The following ANKMY1 variants were observed in gnomAD, a reference collection of about 807,000 sequenced individuals.
The protein encoded by ANKMY1 is ankyrin repeat and MYND domain-containing protein 1.
In ANKMY1, 98 loss-of-function variants were observed where a neutral mutation model predicts 102.0. That is an observed-to-expected ratio of 0.96 (90% confidence interval 0.82 to 1.14). The LOEUF is 1.14. Ranked by LOEUF, ANKMY1 falls within the 50% of genes most tolerant of loss-of-function variation. The pLI is 0.00. For synonymous variants in ANKMY1, 582 were observed against 559.9 expected (o/e 1.04, Z -0.56); for missense variants, 1,330 against 1,347.6 (o/e 0.99, Z 0.20).
At chr2:240,530,184 C>T (rs111883294) in intron 4 of ANKMY1, among the ~76,000 whole-genome samples, 12,559 of 152,242 alleles carry the variant, frequency 0.082, 688 homozygotes, top group Non-Finnish European at 0.12. Context: ...AACCAGTGAG[C>T]GGCCACTGCC....
chr2:240,507,539 C>G, intron 13 of ANKMY1, 21 bp downstream of exon 13: 1 of 1,594,242 alleles, frequency 6.3e-7, no homozygotes, highest in Non-Finnish European at 8.5e-7. Flanking sequence ...ACCAGGGCCA[C>G]CCCAGCCTCC....
At chr2:240,495,413 T>C (rs553157868) in intron 15 of ANKMY1, among the ~76,000 whole-genome samples, 2 of 152,306 alleles carry the variant, frequency 1.3e-5, no homozygotes, top group Admixed American at 1.3e-4. Flanking sequence ...CACTTTCATG[T>C]TCCACCCTGT....
At chr2:240,510,666 C>T (rs1399905680) in intron 11 of ANKMY1, among the ~76,000 whole-genome samples, 2 of 152,118 alleles carry the variant, frequency 1.3e-5, no homozygotes, top group Non-Finnish European at 2.9e-5. Context: ...GAGGTGCCCA[C>T]AGAAGTCTGC....
At chr2:240,468,785 C>T in the ANKMY1 span, among the ~76,000 whole-genome samples, 3 of 152,190 alleles carry the variant, frequency 2.0e-5, no homozygotes, top group Non-Finnish European at 2.9e-5. Context: ...CGTGAGAGCA[C>T]AGAGGGGTGG....
At position 240,544,651 on chromosome 2, in the gene ANKMY1, G is replaced by A. The variant is rs560057594; in HGVS notation, c.480+8263C>T. 6.6e-5 allele frequency among the ~76,000 whole-genome samples: 10 copies of A among 152,314 alleles called. No homozygotes were observed. The South Asian group carries it at 1.9e-3, about 28-fold the overall frequency. ...AGTGGGCGCAGGTCAGTGGGTGCGC[G>A]CACTGTGCGCAAGCCGAAGCCGGGC... is the stretch of plus-strand genomic sequence containing the variant. On this transcript the variant is annotated intron_variant, in intron 4 of 17. Transcript: ENST00000401804.
At position 240,520,063 on chromosome 2, in the gene ANKMY1, T is replaced by C. The variant is rs1345507300; in HGVS notation, c.2004+299A>G. ...CCTCCTCCTGAATATAAGTCTCCCCTTTCCAAGGGGCCTTCAGGATGCGCT... is the reference window on the plus strand; with the variant it reads ...CCTCCTCCTGAATATAAGTCTCCCCCTTCCAAGGGGCCTTCAGGATGCGCT... On this transcript the variant is annotated intron_variant, in intron 9 of 17. Transcript: ENST00000401804. The surrounding 1 kb of genome is among the most constrained non-coding windows in gnomAD (Gnocchi z 4.8). 3.4e-6 allele frequency: 2 copies of C among 589,518 alleles called. No individual in the cohort carries two copies. The highest frequency in any genetic ancestry group is 3.3e-6 in the Non-Finnish European group (1 of 303,400). The allele number at this position is 589,518 out of a possible 1,614,324, so 36.5% of individuals were successfully genotyped here. A position where few individuals can be genotyped will look rare whatever the true frequency, so the allele number is the denominator to read the frequency against.
downstream of ANKMY1, among the ~76,000 whole-genome samples, chr2:240,477,336 A>G (rs1194032086): frequency 6.6e-6 from 1 of 152,180 alleles, no homozygotes; most frequent in Non-Finnish European, 1.5e-5. Context: ...AATAAAAATA[A>G]AGAATATGTT....
At chr2:240,541,502 CTTTT>C (rs556472606) in intron 4 of ANKMY1, among the ~76,000 whole-genome samples, 3 of 125,526 alleles carry the variant, frequency 2.4e-5, no homozygotes, top group African/African-American at 9.2e-5. Flanking sequence ...TATGTTGTTG[CTTTT>C]TTTTTTTTTT....
chr2:240,495,105 A>G (rs1353342018), intron 15 of ANKMY1, among the ~76,000 whole-genome samples: 1 of 152,166 alleles, frequency 6.6e-6, no homozygotes, highest in Non-Finnish European at 1.5e-5. Context: ...GCCTTCTGTT[A>G]TGCCCGGACA....
chr2:240,548,529 G>C (rs1171522472), intron 4 of ANKMY1, among the ~76,000 whole-genome samples: 5 of 151,996 alleles, frequency 3.3e-5, no homozygotes, highest in African/African-American at 7.3e-5. Context: ...TTAGGCAGGA[G>C]AAGGAAATAA....
In ANKMY1 at chr2:240,532,310, C is replaced by T. The variant is rs137914317; in HGVS notation, c.481-2801G>A. 6.3e-4 allele frequency among the ~76,000 whole-genome samples: 96 copies of T among 152,266 alleles called. 1 individual carries two copies. In the Middle Eastern group the frequency reaches 0.01, roughly 16 times the overall value. On this transcript the variant is annotated intron_variant, in intron 4 of 17. Transcript: ENST00000401804. ...AATAACTGTCAACCTAGAACTCTGT[C>T]CTGTGGGGATATTCTTCAAGAACTG...
At position 240,499,472 on chromosome 2, in the gene ANKMY1, G is replaced by T. The variant is rs2077782334; in HGVS notation, c.2806+486C>A. Among the ~76,000 whole-genome samples the T allele has an allele frequency of 6.6e-6, 1 of 151,710 alleles. No homozygotes were observed. Among genetic ancestry groups the T allele is most frequent in the Non-Finnish European group, 1.5e-5 (1 of 67,922 alleles). The stretch of plus-strand genomic sequence containing the variant: ...TAGGTGGGTGGGGTTGAGTACGTGG[G>T]TGTGGGTACATGGGGGAGTAGATGT... On this transcript the variant is annotated intron_variant, in intron 15 of 17. Transcript: ENST00000401804. The surrounding 1 kb of genome is among the most constrained non-coding windows in gnomAD (Gnocchi z 4.2).
At chr2:240,498,449 G>A (rs527912407) in intron 15 of ANKMY1, among the ~76,000 whole-genome samples, 77 of 150,158 alleles carry the variant, frequency 5.1e-4, no homozygotes, top group Admixed American at 1.1e-3. Flanking sequence ...GGACAGGCAC[G>A]TGTGTGGGTA....
At chr2:240,560,911 A>T, upstream of ANKMY1, 2 of 1,533,746 alleles carry the variant, frequency 1.3e-6, no homozygotes, top group Admixed American at 2.0e-5. Context: ...GACCCGGCTG[A>T]GGACCTGCTG....
rs777106542 is a variant in ANKMY1 at position 240,520,387 on chromosome 2, C to G, written c.1979G>C (p.Arg660Thr). ...GVRLLLEHGA[R>T]TDICFPPQLS... is the part of the protein sequence containing the mutation. Reference sequence around the variant, plus strand: ...CTGCGGCGGAAAGCAGATGTCGGTCCTCGCCCCGTGCTCCAGCAGCAGCCT... The same window carrying G: ...CTGCGGCGGAAAGCAGATGTCGGTCGTCGCCCCGTGCTCCAGCAGCAGCCT... The change falls in exon 9 of 18, where the codon AGG becomes ACG. Residue 660 changes from arginine to threonine, a missense_variant. Transcript: ENST00000401804. The surrounding 1 kb of genome is among the most constrained non-coding windows in gnomAD (Gnocchi z 4.8). The G allele has an allele frequency of 1.9e-6, 3 of 1,579,494 alleles. No individual in the cohort carries two copies. The highest frequency in any genetic ancestry group is 3.3e-4 in the Middle Eastern group (2 of 6,004).
chr2:240,552,490 G>A (rs1218141038), intron 4 of ANKMY1, among the ~76,000 whole-genome samples: 1 of 152,126 alleles, frequency 6.6e-6, no homozygotes, highest in Non-Finnish European at 1.5e-5. Flanking sequence ...ACACAACCCT[G>A]TAATTGTCAA....
At chr2:240,554,661 C>T in intron 3 of ANKMY1, 3 of 588,280 alleles carry the variant, frequency 5.1e-6, no homozygotes, top group Non-Finnish European at 8.9e-6. Flanking sequence ...CAAACCTCAT[C>T]CTGGGACCCC....
chr2:240,526,952 C>A (rs940917847), intron 5 of ANKMY1: 1 of 1,053,644 alleles, frequency 9.5e-7, no homozygotes, highest in East Asian at 8.0e-5. Context: ...CAATCGAGAA[C>A]CTGTGCATTA....
the ANKMY1 span, among the ~76,000 whole-genome samples, chr2:240,471,150 G>A: frequency 1.3e-5 from 2 of 152,100 alleles, no homozygotes. Flanking sequence ...TCAGTGGCTG[G>A]TGACAAAAGA....
Sources: gnomAD v4.1 joint callset for allele counts (sites outside exome capture counted in the v4.1 genomes callset) on GRCh38, gnomAD v4.1.1 for gene constraint, Gnocchi (gnomAD v3.1) non-coding constraint, MANE v1.5 for transcripts, NCBI Gene and HGNC (gene_info 2026-07-23, HGNC 2026-07-21) for gene names.